Variants in CTNNA3 observed in about 807,000 individuals in gnomAD.
CTNNA3 encodes catenin alpha-3.
Under a neutral mutation model 95.7 loss-of-function variants are expected in CTNNA3, and 76 were observed. The observed-to-expected ratio is 0.79, with a 90% confidence interval of 0.66 to 0.96. The LOEUF is 0.96. CTNNA3 is among the 40% of genes least tolerant of loss of function. The pLI is 0.00. For synonymous variants in CTNNA3, 431 were observed against 374.4 expected (o/e 1.15, Z -1.74); for missense variants, 1,191 against 1,089.8 (o/e 1.09, Z -1.31).
chr10:67,672,185 C>T (rs368509994), intron 1 of CTNNA3, among the ~76,000 whole-genome samples: 35 of 152,208 alleles, frequency 2.3e-4, no homozygotes, highest in Middle Eastern at 3.4e-3. Context: ...TCATATCCTT[C>T]GCCCACTTTT....
Position 67,566,053 on chromosome 10 carries a change from A to G in CTNNA3, c.293-26384T>C, listed in dbSNP as rs1373980984. Among the ~76,000 whole-genome samples, 63 of 84,522 alleles carry G rather than the reference A, an allele frequency of 7.5e-4. 12 individuals carry two copies. The South Asian group carries it at 0.028, about 38-fold the overall frequency. 55.4% of individuals were successfully genotyped at this position (84,522 alleles called of 152,430 possible). A position where few individuals can be genotyped will look rare whatever the true frequency, so the allele number is the denominator to read the frequency against. ...CACATATGTGTGTGTGTATATATAT[A>G]TATATATATATATATATATACAAAA... On this transcript the variant is annotated intron_variant, in intron 3 of 17. Coordinates refer to ENST00000433211, the MANE Select transcript of CTNNA3 (RefSeq NM_013266.4).
At chr10:67,118,868 T>A (rs1270980846) in intron 7 of CTNNA3, among the ~76,000 whole-genome samples, 1 of 151,864 alleles carries the variant, frequency 6.6e-6, no homozygotes, top group East Asian at 1.9e-4. Flanking sequence ...ATCAGAACTG[T>A]TTATGTAGAA....
intron 1 of CTNNA3, among the ~76,000 whole-genome samples, chr10:67,672,874 T>C (rs1370849070): frequency 1.3e-5 from 2 of 152,114 alleles, no homozygotes; most frequent in Non-Finnish European, 2.9e-5. Context: ...AACTTTAAAG[T>C]AGTTTTTCCC....
intron 7 of CTNNA3, among the ~76,000 whole-genome samples, chr10:67,001,600 C>G (rs1782854877): frequency 6.6e-6 from 1 of 152,032 alleles, no homozygotes; most frequent in Non-Finnish European, 1.5e-5. Flanking sequence ...GAATTACCAA[C>G]AGATAAATTT....
chr10:67,642,574 C>T (rs1008509385), intron 2 of CTNNA3, among the ~76,000 whole-genome samples: 5 of 151,886 alleles, frequency 3.3e-5, no homozygotes, highest in Non-Finnish European at 7.4e-5. Context: ...AAAAATTAAC[C>T]GGGTATGGTG....
At chr10:66,890,319 T>C (rs1319514271) in intron 7 of CTNNA3, among the ~76,000 whole-genome samples, 1 of 150,416 alleles carries the variant, frequency 6.6e-6, no homozygotes, top group Non-Finnish European at 1.5e-5. Context: ...TAGAGAAGTA[T>C]GCAAGTGAAC....
chr10:65,963,910 C>A (rs1232631999), intron 17 of CTNNA3, among the ~76,000 whole-genome samples: 1 of 152,154 alleles, frequency 6.6e-6, no homozygotes, highest in African/African-American at 2.4e-5. Context: ...TAAACCTTCA[C>A]ACCTCAGACC....
intron 7 of CTNNA3, among the ~76,000 whole-genome samples, chr10:67,014,185 T>C (rs1215137595): frequency 6.6e-6 from 1 of 152,226 alleles, no homozygotes; most frequent in Non-Finnish European, 1.5e-5. Flanking sequence ...TTCTTCACCA[T>C]GCATGCTTTA....
At chr10:67,346,540 T>C (rs1483391110) in intron 5 of CTNNA3, among the ~76,000 whole-genome samples, 2 of 152,146 alleles carry the variant, frequency 1.3e-5, no homozygotes, top group Non-Finnish European at 2.9e-5. Context: ...TTAAGTGCTT[T>C]AAATTAAATT....
intron 9 of CTNNA3, among the ~76,000 whole-genome samples, chr10:66,698,394 T>C (rs1254483840): frequency 6.6e-6 from 1 of 152,148 alleles, no homozygotes; most frequent in African/African-American, 2.4e-5. Flanking sequence ...AATCTTACAA[T>C]GTGTGTGCGC....
chr10:67,708,745 T>G (rs1352432475), intron 1 of CTNNA3, among the ~76,000 whole-genome samples: 1 of 152,144 alleles, frequency 6.6e-6, no homozygotes, highest in Non-Finnish European at 1.5e-5. Context: ...TGTAGTTGTT[T>G]CACTCAGAGA....
intron 3 of CTNNA3, among the ~76,000 whole-genome samples, chr10:67,598,872 G>C (rs553313210): frequency 1.4e-3 from 219 of 152,144 alleles, no homozygotes; most frequent in African/African-American, 5.0e-3. Flanking sequence ...ACAGACTGGG[G>C]AGCCCTAAAG....
At chr10:66,051,919 C>T (rs1329017277) in intron 15 of CTNNA3, among the ~76,000 whole-genome samples, 1 of 151,948 alleles carries the variant, frequency 6.6e-6, no homozygotes, top group Non-Finnish European at 1.5e-5. Context: ...ATTTAACAGC[C>T]CAAAATATCT....
intron 9 of CTNNA3, among the ~76,000 whole-genome samples, chr10:66,691,964 A>G (rs965934382): frequency 1.3e-5 from 2 of 152,186 alleles, no homozygotes; most frequent in Admixed American, 1.3e-4. Flanking sequence ...CCATCTGTAC[A>G]TCGCCATCAT....
At chr10:67,516,007 G>A (rs1349978096) in intron 5 of CTNNA3, among the ~76,000 whole-genome samples, 1 of 152,042 alleles carries the variant, frequency 6.6e-6, no homozygotes, top group Non-Finnish European at 1.5e-5. Flanking sequence ...TTGTCACCCA[G>A]GCTGGAGTGC....
intron 9 of CTNNA3, among the ~76,000 whole-genome samples, chr10:66,682,089 T>C (rs927365421): frequency 1.3e-5 from 2 of 151,440 alleles, no homozygotes; most frequent in African/African-American, 4.9e-5. Flanking sequence ...TGGAAGGAGG[T>C]TTGATCCTAT....
At chr10:66,016,299 G>T (rs1293778359) in intron 15 of CTNNA3, among the ~76,000 whole-genome samples, 1 of 152,172 alleles carries the variant, frequency 6.6e-6, no homozygotes, top group Non-Finnish European at 1.5e-5. Context: ...CCAGGCTGCA[G>T]ACTGGGAGCA....
chr10:67,224,265 C>T (rs1372739327), intron 5 of CTNNA3, among the ~76,000 whole-genome samples: 1 of 152,160 alleles, frequency 6.6e-6, no homozygotes, highest in Non-Finnish European at 1.5e-5. Flanking sequence ...CACATGCCAA[C>T]CCCTGGCAAC....
At chr10:67,708,818 C>T (rs1841091576) in intron 1 of CTNNA3, among the ~76,000 whole-genome samples, 1 of 151,988 alleles carries the variant, frequency 6.6e-6, no homozygotes, top group East Asian at 1.9e-4. Context: ...TTTATTTTTC[C>T]TGTATGAATT....
Sources: gnomAD v4.1 joint callset for allele counts (sites outside exome capture counted in the v4.1 genomes callset) on GRCh38, gnomAD v4.1.1 for gene constraint, MANE v1.5 for transcripts, NCBI Gene and HGNC (gene_info 2026-07-23, HGNC 2026-07-21) for gene names.